Variants in ZPLD1 observed in about 807,000 individuals in gnomAD.
ZPLD1 encodes zona pellucida-like domain-containing protein 1.
ZPLD1 carries 34 observed loss-of-function variants against 47.2 expected under a neutral mutation model. That is an observed-to-expected ratio of 0.72 (90% CI 0.55 to 0.96). The LOEUF (loss-of-function observed/expected upper bound fraction) is 0.96. Among genes scored for constraint, ZPLD1 ranks in the 40% least tolerant of loss-of-function variants. The pLI, the probability that ZPLD1 is intolerant of heterozygous loss-of-function variation, is 0.00. For missense variants in ZPLD1, 512 were observed against 505.8 expected (o/e 1.01, Z -0.12); for synonymous variants, 176 against 186.2 (o/e 0.95, Z 0.45).
chr3:102,477,863 A>G lies in ZPLD1; in HGVS notation c.*245A>G, dbSNP rs559202766. ...AATATATTGACAATAAGTGAAAAAT[A>G]TTCAGGACTTAGGGCTTACAGGATC... On this transcript the variant is annotated 3_prime_UTR_variant, in exon 12 of 12. Transcript: ENST00000466937. 4.5e-5 allele frequency: 15 copies of G among 332,208 alleles called. No homozygotes were observed. The highest frequency in any genetic ancestry group is 7.6e-5 in the Non-Finnish European group (14 of 185,366). 20.6% of individuals were successfully genotyped at this position (332,208 alleles called of 1,614,324 possible).
At chr3:102,469,529 T>A (rs1276946467) in intron 9 of ZPLD1, among the ~76,000 whole-genome samples, 1 of 152,184 alleles carries the variant, frequency 6.6e-6, no homozygotes, top group East Asian at 1.9e-4. Flanking sequence ...ACTCCAGCTG[T>A]TACTTCGAAG....
rs1451155148 is a variant in ZPLD1 at position 102,470,848 on chromosome 3, G to A, written c.1042+346G>A. 4.6e-5 allele frequency among the ~76,000 whole-genome samples: 7 copies of A among 151,104 alleles called. No individual in the cohort carries two copies. In the East Asian group the frequency reaches 1.4e-3, roughly 29 times the overall value. ...GGCTGGGGTGCAGTGGTGTGATCTC[G>A]GCTCACTGCAACCTCCGCCTCCCGG... On this transcript the variant is annotated intron_variant, in intron 10 of 11. Transcript: ENST00000466937.
chr3:102,417,011 G>T (rs1445524584), intron 7 of ZPLD1, among the ~76,000 whole-genome samples: 1 of 151,884 alleles, frequency 6.6e-6, no homozygotes, highest in Non-Finnish European at 1.5e-5. Flanking sequence ...CCAGGGGGTT[G>T]ACTAGAAATT....
At chr3:102,417,789 G>T (rs1706826702) in intron 7 of ZPLD1, among the ~76,000 whole-genome samples, 2 of 151,614 alleles carry the variant, frequency 1.3e-5, no homozygotes, top group South Asian at 4.1e-4. Context: ...TTTTTTTCCA[G>T]CAGGCTTTCC....
At chr3:102,453,785 A>C (rs1202671788) in intron 4 of ZPLD1, among the ~76,000 whole-genome samples, 1 of 152,204 alleles carries the variant, frequency 6.6e-6, no homozygotes, top group Non-Finnish European at 1.5e-5. Flanking sequence ...TTCCACCCTG[A>C]ATTAGAAATA....
chr3:102,435,921 C>A (rs1325460016), intron 1 of ZPLD1, among the ~76,000 whole-genome samples: 1 of 152,214 alleles, frequency 6.6e-6, no homozygotes, highest in African/African-American at 2.4e-5. Context: ...GGATTACGGG[C>A]GTGAGCCACC....
chr3:102,477,771 A>T lies in ZPLD1; in HGVS notation c.*153A>T, dbSNP rs1707781059. On this transcript the variant is annotated 3_prime_UTR_variant, in exon 12 of 12. Coordinates refer to ENST00000466937, the MANE Select transcript of ZPLD1 (RefSeq NM_001329788.2). ...ATAGCTTGTCAGCATAATGATAGTG[A>T]AAGAAGTTTATTATATTGCTATTGT... is the stretch of plus-strand genomic sequence containing the variant. The T allele has an allele frequency of 4.4e-6, 3 of 683,606 alleles. No individual in the cohort carries two copies. Among genetic ancestry groups the T allele is most frequent in the Non-Finnish European group, 6.6e-6 (3 of 451,618 alleles). The allele number at this position is 683,606 out of a possible 1,614,324, so 42.3% of individuals were successfully genotyped here.
chr3:102,419,766 T>C (rs1056215323), intron 8 of ZPLD1, among the ~76,000 whole-genome samples: 1 of 151,966 alleles, frequency 6.6e-6, no homozygotes, highest in Non-Finnish European at 1.5e-5. Flanking sequence ...CATGTTTTCA[T>C]AGCTTTTTCA....
intron 3 of ZPLD1, 95 bp downstream of exon 3, chr3:102,438,688 T>TG: frequency 1.2e-6 from 1 of 864,956 alleles, no homozygotes. Context: ...AACGGGGGGC[T>TG]ATCTCTTTAC....
At chr3:102,390,165 A>T (rs981846375) in intron 6 of ZPLD1, among the ~76,000 whole-genome samples, 1 of 152,190 alleles carries the variant, frequency 6.6e-6, no homozygotes, top group Admixed American at 6.5e-5. Flanking sequence ...AGGCACCTCA[A>T]ATAAACGTAC....
At chr3:102,403,068 A>G (rs939553323) in intron 7 of ZPLD1, among the ~76,000 whole-genome samples, 1 of 151,862 alleles carries the variant, frequency 6.6e-6, no homozygotes, top group Non-Finnish European at 1.5e-5. Flanking sequence ...ATTATTATTT[A>G]CAGTTCTATT....
rs71781267 is a variant in ZPLD1, at chr3:102,388,429, G to GTCTCTCTCTCTCTCTCTC, written c.-213+3118_-213+3135dup. ...ATATTATTGGATTTTCTCTCCTGGA[G>GTCTCTCTCTCTCTCTCTC]TCTCTCTCTCTCTCTCTCTCTCTGT... On this transcript the variant is annotated intron_variant, in intron 6 of 17. Transcript: ENST00000491959. 1.9e-3 allele frequency among the ~76,000 whole-genome samples: 261 copies of GTCTCTCTCTCTCTCTCTC among 135,920 alleles called. 2 individuals carry two copies. The highest frequency in any genetic ancestry group is 3.5e-3 in the African/African-American group (128 of 36,798). The allele number at this position is 135,920 out of a possible 152,430, so 89.2% of individuals were successfully genotyped here.
chr3:102,460,489 C>T (rs1373436315), intron 6 of ZPLD1, among the ~76,000 whole-genome samples: 1 of 151,854 alleles, frequency 6.6e-6, no homozygotes, highest in African/African-American at 2.4e-5. Context: ...CAGTTTTGTT[C>T]ATTGTGGAAA....
Position 102,453,066 on chromosome 3 carries a change from A to C in ZPLD1, c.254A>C (p.Asn85Thr). 6.2e-7 allele frequency: 1 copy of C among 1,614,106 alleles called. No individual in the cohort carries two copies. The highest frequency in any genetic ancestry group is 1.3e-5 in the African/African-American group (1 of 75,006). ...TCCCACTGCAGAGGGTTCATCAATAACAACACCTTTCCAGCAGTGGTCATT... is the reference window on the plus strand; with the variant it reads ...TCCCACTGCAGAGGGTTCATCAATACCAACACCTTTCCAGCAGTGGTCATT... ...GDSHCRGFINNNTFPAVVIFI... is the reference protein window; with the variant it reads ...GDSHCRGFINTNTFPAVVIFI... The change falls in exon 4 of 12, where the codon AAC (asparagine) becomes ACC (threonine). Residue 85 changes from asparagine to threonine, a missense_variant. Transcript: ENST00000466937.
At position 102,398,878 on chromosome 3, in the gene ZPLD1, G is replaced by GCACACA. The variant is rs10564376; in HGVS notation, c.-157+6672_-157+6677dup. 2.3e-4 allele frequency among the ~76,000 whole-genome samples: 35 copies of GCACACA among 149,234 alleles called. 1 individual carries two copies. The highest frequency in any genetic ancestry group is 7.6e-4 in the African/African-American group (31 of 41,006). ...AGCTTGTGCTTTTATGCGTGCGCAC[G>GCACACA]CACACACACACACACACACACACAT... On this transcript the variant is annotated intron_variant, in intron 7 of 17. Transcript: ENST00000491959.
At chr3:102,393,111 G>T (rs1203019371) in intron 7 of ZPLD1, among the ~76,000 whole-genome samples, 1 of 152,092 alleles carries the variant, frequency 6.6e-6, no homozygotes, top group Non-Finnish European at 1.5e-5. Context: ...TGTAATGTAT[G>T]TTGTAATTAT....
At chr3:102,458,717 C>T (rs765671691) in intron 6 of ZPLD1, among the ~76,000 whole-genome samples, 1 of 152,136 alleles carries the variant, frequency 6.6e-6, no homozygotes, top group African/African-American at 2.4e-5. Flanking sequence ...TAGTCTGACA[C>T]CACAGAGTTC....
At chr3:102,390,289 C>T (rs1386737965) in intron 6 of ZPLD1, among the ~76,000 whole-genome samples, 2 of 152,136 alleles carry the variant, frequency 1.3e-5, no homozygotes, top group Non-Finnish European at 2.9e-5. Flanking sequence ...CCAACTTTTA[C>T]CCCCAACCGG....
rs1576166444 is a variant in ZPLD1, at chr3:102,468,599, C to G, written c.762-365C>G. Among the ~76,000 whole-genome samples the G allele has an allele frequency of 2.6e-5, 4 of 152,110 alleles. No homozygotes were observed. In the South Asian group the frequency reaches 8.3e-4, roughly 32 times the overall value. On this transcript the variant is annotated intron_variant, in intron 8 of 11. Transcript: ENST00000466937. ...CAATAAGAATACATTGCTTCTGTTT[C>G]TATTTTCATATACCCTGGGAATGAT...
Sources: allele counts gnomAD v4.1 joint callset (sites outside exome capture counted in the v4.1 genomes callset), GRCh38; gene constraint gnomAD v4.1.1; transcripts MANE v1.5; gene names NCBI Gene and HGNC (gene_info 2026-07-23, HGNC 2026-07-21).